SRSF11: variants seen among roughly 807,000 people sequenced by gnomAD.
SRSF11 encodes the protein serine and arginine rich splicing factor 11, also known as serine/arginine-rich splicing factor 11.
Under a neutral mutation model 56.0 loss-of-function variants are expected in SRSF11, and 9 were observed. The observed-to-expected ratio is 0.16, with a 90% CI of 0.10 to 0.28. The LOEUF is 0.28. Ranked by LOEUF, SRSF11 falls within the 10% of genes least tolerant of loss-of-function variation. The probability of loss-of-function intolerance (pLI) is 1.00; values close to 1 mark genes in which losing one functional copy is unlikely to be tolerated. For synonymous variants in SRSF11, 222 were observed against 215.3 expected, an observed-to-expected ratio of 1.03 and a Z score of -0.27; for missense variants, 421 against 600.7, an observed-to-expected ratio of 0.70 and a Z score of 3.13.
chr1:70,236,510 T>G (rs957639280), intron 5 of SRSF11, among the ~76,000 whole-genome samples: 1 of 151,984 alleles, frequency 6.6e-6, no homozygotes, highest in Non-Finnish European at 1.5e-5. Context: ...TTTTGTACTT[T>G]TAGTAGAGAC....
intron 2 of SRSF11, chr1:70,231,696 T>G (rs1432812806): frequency 8.4e-7 from 1 of 1,194,724 alleles, no homozygotes; most frequent in African/African-American, 1.6e-5. Flanking sequence ...AGCCCTACGC[T>G]TGATTCCAAC....
chr1:70,230,985 T>A, intron 2 of SRSF11: 1 of 1,260,770 alleles, frequency 7.9e-7, no homozygotes, highest in Non-Finnish European at 1.0e-6. Flanking sequence ...AAGATAACAG[T>A]GCTGTGTAGT....
intron 1 of SRSF11, among the ~76,000 whole-genome samples, chr1:70,222,980 T>C (rs1318244787): frequency 1.3e-5 from 2 of 152,144 alleles, no homozygotes; most frequent in Admixed American, 6.5e-5. Context: ...GGAGAGAGGA[T>C]TTACTTAGTT....
At chr1:70,219,703 T>C (rs967275590), upstream of SRSF11, among the ~76,000 whole-genome samples, 1 of 152,220 alleles carries the variant, frequency 6.6e-6, no homozygotes, top group Non-Finnish European at 1.5e-5. Flanking sequence ...TTCTGAAAAG[T>C]CTTGGCTCTA....
rs559495830 is a variant in SRSF11 at position 70,232,567 on chromosome 1, CAT to C, written c.447+192_447+193del. On this transcript the variant is annotated intron_variant, in intron 3 of 11. Coordinates refer to ENST00000370949, the MANE Select transcript of SRSF11 (RefSeq NM_001350605.2). The stretch of plus-strand genomic sequence containing the variant: ...GTATTTTAAGAACATTCTGAAAAAT[CAT>C]AAAATATCTGTTCTGTCACTTTTAC... Among the ~76,000 whole-genome samples, 13 of 152,266 alleles carry C rather than the reference CAT, an allele frequency of 8.5e-5. No homozygotes were observed. The South Asian group carries it at 2.7e-3, about 32-fold the overall frequency.
In SRSF11 at chr1:70,250,447, A is replaced by G; in HGVS notation, c.1201A>G (p.Ser401Gly). ...RERSTSKKKK[S>G]KDKEKDRERK... ...ACGATCAACAAGCAAGAAGAAGAAG[A>G]GTAAAGATAAGGAAAAGGACCGGGA... The change falls in exon 11 of 12, where the codon AGT (serine) becomes GGT (glycine). Residue 401 changes from serine to glycine, a missense_variant. Physicochemically the swap from Ser to Gly is moderately conservative, Grantham distance 56. Coordinates refer to ENST00000370949, the MANE Select transcript of SRSF11 (RefSeq NM_001350605.2). The G allele has an allele frequency of 6.3e-7, 1 of 1,592,540 alleles. No homozygotes were observed.
chr1:70,245,509 A>G (rs368906239), intron 8 of SRSF11, among the ~76,000 whole-genome samples: 157 of 152,334 alleles, frequency 1.0e-3, no homozygotes, highest in African/African-American at 3.5e-3. Context: ...CAGTTATACA[A>G]AGGAATTAAG....
chr1:70,229,414 T>A (rs1296382112), intron 2 of SRSF11: 1 of 1,074,364 alleles, frequency 9.3e-7, no homozygotes, highest in Non-Finnish European at 1.1e-6. Context: ...AATGAGCAGG[T>A]TTTTTGGATC....
intron 1 of SRSF11, among the ~76,000 whole-genome samples, chr1:70,224,663 A>C (rs1571678925): frequency 6.6e-6 from 1 of 152,192 alleles, no homozygotes; most frequent in African/African-American, 2.4e-5. Context: ...TGTTAAGTCC[A>C]TCTATTTATT....
intron 2 of SRSF11, chr1:70,231,405 A>T (rs1368393214): frequency 2.8e-5 from 30 of 1,055,270 alleles, no homozygotes; most frequent in African/African-American, 3.4e-5. Context: ...GGACCCTTAG[A>T]TTTTATCTGA....
intron 3 of SRSF11, 152 bp from the exon 4 acceptor site, chr1:70,234,544 T>C: frequency 6.0e-6 from 3 of 499,944 alleles, no homozygotes; most frequent in Non-Finnish European, 1.0e-5. Flanking sequence ...TGGCAGTAGT[T>C]ATATGGTTTG....
intron 8 of SRSF11, among the ~76,000 whole-genome samples, chr1:70,246,003 T>C (rs994190614): frequency 6.6e-6 from 1 of 151,802 alleles, no homozygotes; most frequent in African/African-American, 2.4e-5. Flanking sequence ...ATGATAAAGA[T>C]TGAATGAAGA....
intron 7 of SRSF11, among the ~76,000 whole-genome samples, chr1:70,242,152 C>A (rs370059181): frequency 2.9e-4 from 40 of 139,180 alleles, no homozygotes; most frequent in African/African-American, 1.1e-3. Flanking sequence ...TTGGTGACAG[C>A]GAGACTCCGT....
intron 2 of SRSF11, 200 bp from the exon 3 acceptor site, chr1:70,232,068 A>G: frequency 6.5e-7 from 1 of 1,532,778 alleles, no homozygotes; most frequent in Non-Finnish European, 8.8e-7. Context: ...GAGAAAAAGG[A>G]AACAAATTTT....
At chr1:70,236,190 C>T (rs1239921844) in intron 5 of SRSF11, among the ~76,000 whole-genome samples, 3 of 152,218 alleles carry the variant, frequency 2.0e-5, no homozygotes, top group Middle Eastern at 3.4e-3. Context: ...AGCATGTACC[C>T]ATCACCCAGC....
intron 1 of SRSF11, among the ~76,000 whole-genome samples, chr1:70,211,207 C>T (rs950317228): frequency 1.3e-5 from 2 of 150,884 alleles, no homozygotes; most frequent in Admixed American, 1.3e-4. Flanking sequence ...TAAAGTAATA[C>T]AGAAGTAAAG....
intron 10 of SRSF11, 53 bp from the exon 11 acceptor site, chr1:70,250,312 C>T (rs947470287): frequency 6.3e-7 from 1 of 1,594,556 alleles, no homozygotes; most frequent in African/African-American, 1.4e-5. Flanking sequence ...TTGAGTCAGG[C>T]TCATCATCTA....
intron 1 of SRSF11, among the ~76,000 whole-genome samples, chr1:70,208,241 C>A (rs1434265904): frequency 6.6e-6 from 1 of 151,810 alleles, no homozygotes; most frequent in Non-Finnish European, 1.5e-5. Context: ...AAAAAAAATC[C>A]CAGTGGCCAT....
chr1:70,237,582 T>C, intron 6 of SRSF11, 30 bp downstream of exon 6: 2 of 1,602,124 alleles, frequency 1.2e-6, no homozygotes, highest in Admixed American at 1.8e-5. Flanking sequence ...TTTTGTTGTG[T>C]GATTCTTAGC....
Sources: allele counts gnomAD v4.1 joint callset (sites outside exome capture counted in the v4.1 genomes callset), GRCh38; gene constraint gnomAD v4.1.1; transcripts MANE v1.5; gene names NCBI Gene and HGNC (gene_info 2026-07-23, HGNC 2026-07-21).